The following PHACTR2 variants were observed in gnomAD, a reference collection of about 807,000 sequenced individuals.
PHACTR2 encodes the protein phosphatase and actin regulator 2, also known as chromosome 6 open reading frame 56.
In PHACTR2, 30 loss-of-function variants were observed where a neutral mutation model predicts 76.0. The ratio of observed to expected loss-of-function variants is 0.39; its 90% CI spans 0.30 to 0.54. PHACTR2 has a LOEUF of 0.54. Among genes scored for constraint, PHACTR2 ranks in the 20% least tolerant of loss-of-function variants. The pLI is 0.61. For missense variants in PHACTR2, 696 were observed against 781.1 expected, an observed-to-expected ratio of 0.89 and a Z score of 1.30; for synonymous variants, 292 against 292.5, an observed-to-expected ratio of 1.00 and a Z score of 0.02.
chr6:143,626,243 T>G (rs1776254985), intron 1 of PHACTR2, among the ~76,000 whole-genome samples: 1 of 152,046 alleles, frequency 6.6e-6, no homozygotes, highest in African/African-American at 2.4e-5. Context: ...GGTTTAAAAT[T>G]TAGCACAAAA....
In PHACTR2 at chr6:143,710,872, C is replaced by T. The variant is rs1778159522; in HGVS notation, c.47-1144C>T. Among the ~76,000 whole-genome samples the T allele has an allele frequency of 6.6e-6, 1 of 152,214 alleles. No individual in the cohort carries two copies. The highest frequency in any genetic ancestry group is 1.5e-5 in the Non-Finnish European group (1 of 68,034). ...ATGCGTATCTACCAGCTGGATTCAA[C>T]ACTTAACATTTTGCTATATTTTACT... is the stretch of plus-strand genomic sequence containing the variant. On this transcript the variant is annotated intron_variant, in intron 1 of 12. Transcript: ENST00000440869. This position sits in a 1 kb window ranked among gnomAD's most constrained non-coding sequence, Gnocchi z 4.9.
chr6:143,779,481 C>G (rs1775366443), intron 9 of PHACTR2, among the ~76,000 whole-genome samples: 1 of 151,842 alleles, frequency 6.6e-6, no homozygotes, highest in Admixed American at 6.6e-5. Context: ...TCCCGAGTAG[C>G]TGGGACTACA....
At chr6:143,726,074 C>T (rs111619071) in intron 2 of PHACTR2, among the ~76,000 whole-genome samples, 7 of 152,130 alleles carry the variant, frequency 4.6e-5, no homozygotes, top group African/African-American at 1.7e-4. Context: ...TTCTTGTGTA[C>T]ATTCTTGTGT....
chr6:143,825,338 G>C lies in PHACTR2; in HGVS notation c.*1649G>C, dbSNP rs1039189836. The C allele has an allele frequency of 6.6e-6, 1 of 152,088 alleles. No homozygotes were observed. The highest frequency in any genetic ancestry group is 1.5e-5 in the Non-Finnish European group (1 of 68,010). 9.4% of individuals were successfully genotyped at this position (152,088 alleles called of 1,614,324 possible). Reference sequence around the variant, plus strand: ...GTATTTTAAAGAACCACTTGAAATCGGATCATTTTATTTAAAAATAAAAAA... The same window carrying C: ...GTATTTTAAAGAACCACTTGAAATCCGATCATTTTATTTAAAAATAAAAAA... On this transcript the variant is annotated 3_prime_UTR_variant, in exon 13 of 13. Transcript: ENST00000440869. This position sits in a 1 kb window ranked among gnomAD's most constrained non-coding sequence, Gnocchi z 4.1.
In PHACTR2 at chr6:143,803,114, C is replaced by T. The variant is rs1433529773; in HGVS notation, c.1846-3943C>T. ...GACTGTAGGATGTGAGGTTAAAAGG[C>T]TTGTGTATGAGCCCCATGTTTGTCA... is the stretch of plus-strand genomic sequence containing the variant. On this transcript the variant is annotated intron_variant, in intron 11 of 12. Transcript: ENST00000440869. This position sits in a 1 kb window ranked among gnomAD's most constrained non-coding sequence, Gnocchi z 4.7. 6.6e-6 allele frequency among the ~76,000 whole-genome samples: 1 copy of T among 152,116 alleles called. No homozygotes were observed. Among genetic ancestry groups the T allele is most frequent in the Non-Finnish European group, 1.5e-5 (1 of 68,036 alleles).
chr6:143,540,802 G>T (rs946346167), intron 1 of PHACTR2, among the ~76,000 whole-genome samples: 4 of 152,138 alleles, frequency 2.6e-5, no homozygotes, highest in African/African-American at 7.2e-5. Flanking sequence ...AGATAGAATT[G>T]AAGTAACAGT....
chr6:143,573,881 AT>A (rs1315734611), intron 1 of PHACTR2, among the ~76,000 whole-genome samples: 1 of 152,214 alleles, frequency 6.6e-6, no homozygotes, highest in Non-Finnish European at 1.5e-5. Context: ...TGTTTATGGA[AT>A]CGTGAATTTT....
At position 143,617,187 on chromosome 6, in the gene PHACTR2, T is replaced by A. The variant is rs1256187209; in HGVS notation, c.13+8865T>A. Reference sequence around the variant, plus strand: ...AACTTACTTCAATCCCAGCCCTGTGTCAAGGCCCAGCACATATCCCATCTT... The same window carrying A: ...AACTTACTTCAATCCCAGCCCTGTGACAAGGCCCAGCACATATCCCATCTT... On this transcript the variant is annotated intron_variant, in intron 1 of 11. Coordinates refer to the PHACTR2 transcript ENST00000305766. The surrounding 1 kb of genome is among the most constrained non-coding windows in gnomAD (Gnocchi z 4.8). Among the ~76,000 whole-genome samples, 3 of 152,216 alleles carry A rather than the reference T, an allele frequency of 2.0e-5. No individual in the cohort carries two copies. Among genetic ancestry groups the A allele is most frequent in the Non-Finnish European group, 4.4e-5 (3 of 68,030 alleles).
intron 1 of PHACTR2, among the ~76,000 whole-genome samples, chr6:143,669,927 T>C (rs1777116768): frequency 6.6e-6 from 1 of 152,246 alleles, no homozygotes; most frequent in African/African-American, 2.4e-5. Context: ...TGTTAGTTGA[T>C]GCAGTTTGTT....
At position 143,633,893 on chromosome 6, in the gene PHACTR2, A is replaced by C. The variant is rs569332968; in HGVS notation, c.13+25571A>C. ...GAAGATGAACTTTGTAAGATGAACT[A>C]TAGATTTAAGATGAAAGTAAAAACG... On this transcript the variant is annotated intron_variant, in intron 1 of 11. Transcript: ENST00000305766. This position sits in a 1 kb window ranked among gnomAD's most constrained non-coding sequence, Gnocchi z 4.1. 1.3e-5 allele frequency among the ~76,000 whole-genome samples: 2 copies of C among 152,358 alleles called. No individual in the cohort carries two copies. The highest frequency in any genetic ancestry group is 4.1e-4 in the South Asian group (2 of 4,830).
At position 143,708,103 on chromosome 6, in the gene PHACTR2, C is replaced by T. The variant is rs1224029181; in HGVS notation, c.47-3913C>T. Among the ~76,000 whole-genome samples the T allele has an allele frequency of 6.6e-6, 1 of 152,202 alleles. No individual in the cohort carries two copies. Among genetic ancestry groups the T allele is most frequent in the Non-Finnish European group, 1.5e-5 (1 of 68,046 alleles). Reference sequence around the variant, plus strand: ...TTGACATGAGATTTGGGTGAGGATACATTTCTAAACCTTATCAATATGATA... The same window carrying T: ...TTGACATGAGATTTGGGTGAGGATATATTTCTAAACCTTATCAATATGATA... On this transcript the variant is annotated intron_variant, in intron 1 of 12. Transcript: ENST00000440869. This position sits in a 1 kb window ranked among gnomAD's most constrained non-coding sequence, Gnocchi z 5.5.
intron 1 of PHACTR2, among the ~76,000 whole-genome samples, chr6:143,572,070 A>G (rs1367662632): frequency 6.6e-6 from 1 of 152,236 alleles, no homozygotes; most frequent in East Asian, 1.9e-4. Flanking sequence ...TTCACCAAAA[A>G]ATCTGTTTTA....
chr6:143,786,018 G>T (rs1365625374), intron 10 of PHACTR2, among the ~76,000 whole-genome samples: 1 of 152,212 alleles, frequency 6.6e-6, no homozygotes, highest in Non-Finnish European at 1.5e-5. Flanking sequence ...TAGCTTCCTT[G>T]CTACTTAGGC....
intron 2 of PHACTR2, among the ~76,000 whole-genome samples, chr6:143,716,231 C>T (rs750488800): frequency 6.6e-6 from 1 of 152,180 alleles, no homozygotes; most frequent in Non-Finnish European, 1.5e-5. Flanking sequence ...AATCTCAGAG[C>T]ATCCAGGTGA....
chr6:143,719,866 G>A (rs1778400685), intron 2 of PHACTR2, among the ~76,000 whole-genome samples: 1 of 136,324 alleles, frequency 7.3e-6, no homozygotes, highest in South Asian at 2.4e-4. Flanking sequence ...AGGCTGGAGT[G>A]CAATGGCGTA....
chr6:143,651,542 G>A (rs1408773025), intron 1 of PHACTR2, among the ~76,000 whole-genome samples: 2 of 152,192 alleles, frequency 1.3e-5, no homozygotes, highest in Non-Finnish European at 2.9e-5. Context: ...CCTTTGCAGA[G>A]ACATGATGGA....
intron 1 of PHACTR2, among the ~76,000 whole-genome samples, chr6:143,568,016 A>G (rs2128431138): frequency 6.6e-6 from 1 of 152,280 alleles, no homozygotes; most frequent in Non-Finnish European, 1.5e-5. Context: ...TTATAATCAC[A>G]TACGCAATTT....
At chr6:143,691,576 A>G (rs1369193407) in intron 1 of PHACTR2, among the ~76,000 whole-genome samples, 3 of 152,338 alleles carry the variant, frequency 2.0e-5, no homozygotes, top group Non-Finnish European at 4.4e-5. Flanking sequence ...TGAAGTAAAT[A>G]TATAGTTACA....
chr6:143,771,166 A>ATG (rs1775107475), intron 6 of PHACTR2, among the ~76,000 whole-genome samples: 11 of 27,674 alleles, frequency 4.0e-4, no homozygotes, highest in African/African-American at 2.3e-3. Context: ...ATGTATATAT[A>ATG]TATATATGTA....
Sources: allele counts gnomAD v4.1 joint callset (sites outside exome capture counted in the v4.1 genomes callset), GRCh38; gene constraint gnomAD v4.1.1; non-coding constraint Gnocchi (gnomAD v3.1); transcripts MANE v1.5; gene names NCBI Gene and HGNC (gene_info 2026-07-23, HGNC 2026-07-21).